Variants in TCIRG1 observed in about 807,000 individuals in gnomAD.
TCIRG1 encodes the protein T cell immune regulator 1, ATPase H+ transporting V0 subunit a3, also known as V-type proton ATPase 116 kDa subunit a 3.
A neutral mutation model predicts 95.5 loss-of-function variants in TCIRG1; 86 were observed. That is an observed-to-expected ratio of 0.90 (90% confidence interval 0.76 to 1.08). The LOEUF is 1.08. Among genes scored for constraint, TCIRG1 ranks in the 50% least tolerant of loss-of-function variants. The pLI is 0.00. For synonymous variants in TCIRG1, 499 were observed against 501.3 expected, an observed-to-expected ratio of 1.00 and a Z score of 0.06; for missense variants, 1,069 against 1,140.2, an observed-to-expected ratio of 0.94 and a Z score of 0.90.
At chr11:68,040,551 G>A (rs1167991211) in intron 1 of TCIRG1, among the ~76,000 whole-genome samples, 1 of 152,222 alleles carries the variant, frequency 6.6e-6, no homozygotes, top group Non-Finnish European at 1.5e-5. Context: ...TTCCCACAGA[G>A]GGGCCCTGGG....
rs574223009 is a variant in TCIRG1, at chr11:68,041,524, C to T, written c.117+136C>T. 16 of 760,494 alleles carry T rather than the reference C, an allele frequency of 2.1e-5. No individual in the cohort carries two copies. The Admixed American group carries it at 2.9e-4, about 14-fold the overall frequency. The allele number at this position is 760,494 out of a possible 1,614,324, so 47.1% of individuals were successfully genotyped here. Reference sequence around the variant, plus strand: ...ACCCCAGCGGCCCCTGCCATGGGCACTGCTCATGGGAAGCCCGCAGCTGAG... The same window carrying T: ...ACCCCAGCGGCCCCTGCCATGGGCATTGCTCATGGGAAGCCCGCAGCTGAG... On this transcript the variant is annotated intron_variant, in intron 2 of 19. Coordinates refer to ENST00000265686, the MANE Select transcript of TCIRG1 (RefSeq NM_006019.4).
In TCIRG1 at chr11:68,041,767, G is replaced by T; in HGVS notation, c.132G>T (p.Val44=). The T allele has an allele frequency of 6.2e-7, 1 of 1,609,680 alleles. No individual in the cohort carries two copies. ...GGCACCCACAGCTCAACGCCTCGGT[G>T]AGCGCCTTCCAGAGACGCTTTGTGG... ...LVEFRDLNAS[V]SAFQRRFVVD... is the part of the protein sequence containing the mutation. Residue 44 remains valine, a synonymous_variant, in exon 3 of 20, where the codon GTG becomes GTT. Transcript: ENST00000265686.
chr11:68,045,140 C>T (rs754068290), intron 10 of TCIRG1, 38 bp downstream of exon 10: 14 of 1,598,384 alleles, frequency 8.8e-6, no homozygotes, highest in Non-Finnish European at 1.2e-5. Flanking sequence ...TCCTGGGAGG[C>T]TCAGCTGCCC....
Position 68,047,878 on chromosome 11 carries a change from G to T in TCIRG1, c.1464-4G>T, listed in dbSNP as rs377181404. On this transcript the variant is annotated splice_polypyrimidine_tract_variant and splice_region_variant and intron_variant, in intron 12 of 19. Coordinates refer to ENST00000265686, the MANE Select transcript of TCIRG1 (RefSeq NM_006019.4). ...CCTGACCGCCCTCCCCTGCGTTGCCGCAGTGATGCATTCCTGGCCCAGCAC... is the reference window on the plus strand; with the variant it reads ...CCTGACCGCCCTCCCCTGCGTTGCCTCAGTGATGCATTCCTGGCCCAGCAC... 9.9e-6 allele frequency: 16 copies of T among 1,613,358 alleles called. No homozygotes were observed. In the African/African-American group the frequency reaches 2.0e-4, roughly 20 times the overall value.
In TCIRG1 at chr11:68,041,268, G is replaced by A. The variant is rs769465490; in HGVS notation, c.-4G>A. The A allele has an allele frequency of 1.9e-6, 3 of 1,610,366 alleles. No homozygotes were observed. The South Asian group carries it at 3.3e-5, about 18-fold the overall frequency. On this transcript the variant is annotated splice_region_variant and 5_prime_UTR_variant, in exon 2 of 20. Coordinates refer to ENST00000265686, the MANE Select transcript of TCIRG1 (RefSeq NM_006019.4). ...GGCCCCCATCCGTGTCCACCCACAG[G>A]ACCATGGGCTCCATGTTCCGGAGCG...
Position 68,050,002 on chromosome 11 carries a change from C to T in TCIRG1, c.2054C>T (p.Ser685Phe). Reference protein sequence around the residue: ...KAGLLDLPDASVNGWSSDEEK... With the variant: ...KAGLLDLPDAFVNGWSSDEEK... ...GGGTTGCTGGACCTGCCTGACGCAT[C>T]TGTGAATGGCTGGAGCTCCGATGAG... The change falls in exon 17 of 20, where the codon TCT (serine) becomes TTT (phenylalanine). Residue 685 changes from serine (S) to phenylalanine (F), a missense_variant. Physicochemically the swap from Ser to Phe is radical, Grantham distance 155. Transcript: ENST00000265686. The T allele has an allele frequency of 1.9e-6, 3 of 1,613,212 alleles. No homozygotes were observed. Among genetic ancestry groups the T allele is most frequent in the African/African-American group, 1.3e-5 (1 of 75,042 alleles).
intron 10 of TCIRG1, among the ~76,000 whole-genome samples, 177 bp from the exon 11 acceptor site, chr11:68,047,256 C>T (rs568516935): frequency 2.3e-5 from 2 of 86,640 alleles, no homozygotes; most frequent in Non-Finnish European, 5.3e-5. Flanking sequence ...GGTGATGCCC[C>T]CCCCCCCCCC....
At chr11:68,044,588 C>T (rs1372990222) in intron 9 of TCIRG1, among the ~76,000 whole-genome samples, 1 of 152,200 alleles carries the variant, frequency 6.6e-6, no homozygotes, top group Non-Finnish European at 1.5e-5. Flanking sequence ...AAGTCAGAAG[C>T]CTCATTCCAA....
intron 1 of TCIRG1, among the ~76,000 whole-genome samples, chr11:68,040,928 G>A (rs574539296): frequency 1.3e-5 from 2 of 152,230 alleles, no homozygotes; most frequent in Non-Finnish European, 2.9e-5. Flanking sequence ...CTAGGGTGAC[G>A]GCAGCCCGAG....
chr11:68,050,298 C>G, intron 18 of TCIRG1, 44 bp downstream of exon 18: 2 of 1,602,232 alleles, frequency 1.2e-6, no homozygotes, highest in Non-Finnish European at 1.7e-6. Flanking sequence ...CTCCTGGCTT[C>G]TCACATACCG....
chr11:68,041,869 C>A (rs1855187421), intron 3 of TCIRG1, 38 bp downstream of exon 3: 1 of 1,553,676 alleles, frequency 6.4e-7, no homozygotes, highest in Non-Finnish European at 8.8e-7. Context: ...GGCAGGCTTC[C>A]TGGAGGAGGC....
Position 68,042,761 on chromosome 11 carries a change from C to T in TCIRG1, c.315C>T (p.Ala105=). 3.2e-6 allele frequency: 5 copies of T among 1,547,696 alleles called. No individual in the cohort carries two copies. The highest frequency in any genetic ancestry group is 3.5e-6 in the Non-Finnish European group (4 of 1,146,454). Reference sequence around the variant, plus strand: ...TCCAGGAGGAGACGGAGCGCCTGGCCCAGGAGCTGCGGGATGTGCGGGGCA... The same window carrying T: ...TCCAGGAGGAGACGGAGCGCCTGGCTCAGGAGCTGCGGGATGTGCGGGGCA... ...LRIQEETERL[A]QELRDVRGNQ... is the part of the protein sequence containing the mutation. The change falls in exon 4 of 20, where the codon GCC becomes GCT. Residue 105 remains alanine, a synonymous_variant. Transcript: ENST00000265686.
Position 68,044,724 on chromosome 11 carries a change from G to A in TCIRG1, c.1021-234G>A, listed in dbSNP as rs1051154882. 2.3e-5 allele frequency: 14 copies of A among 617,978 alleles called. No individual in the cohort carries two copies. In the East Asian group the frequency reaches 3.9e-4, roughly 17 times the overall value. 38.3% of individuals were successfully genotyped at this position (617,978 alleles called of 1,614,324 possible). On this transcript the variant is annotated intron_variant, in intron 9 of 19. Transcript: ENST00000265686. ...GGTGAGGCTGGGCTCCTTCTCCTGG[G>A]CCGTCCCTAGGAGGCAGCATGCTTG...
rs755672978 is a variant in TCIRG1 at position 68,047,533 on chromosome 11, T to C, written c.1266T>C (p.Leu422=). ...LMFLFALAMV[L]AENRPAVKAA... ...TCCTGTTCGCCCTGGCCATGGTCCT[T>C]GCGGAGAACCGACCGGCTGTGAAGG... The change falls in exon 11 of 20, where the codon CTT becomes CTC. Residue 422 remains leucine (L), a synonymous_variant. Transcript: ENST00000265686. 2.5e-5 allele frequency: 41 copies of C among 1,613,772 alleles called. 1 individual carries two copies. Among genetic ancestry groups the C allele is most frequent in the Non-Finnish European group, 3.1e-5 (37 of 1,179,978 alleles).
In TCIRG1 at chr11:68,049,218, C is replaced by G. The variant is rs764109110; in HGVS notation, c.1811C>G (p.Pro604Arg). The G allele has an allele frequency of 1.9e-6, 3 of 1,613,764 alleles. No individual in the cohort carries two copies. The African/African-American group carries it at 4.0e-5, about 22-fold the overall frequency. ...TGGGCTGCCAGGGCCGCCTCGGCCCCCAGCATCCTCATCCACTTCATCAAC... is the reference window on the plus strand; with the variant it reads ...TGGGCTGCCAGGGCCGCCTCGGCCCGCAGCATCCTCATCCACTTCATCAAC... ...CVWAARAASA[P>R]SILIHFINMF... Residue 604 changes from proline to arginine, a missense_variant, in exon 15 of 20, where the codon CCC (proline) becomes CGC (arginine). Coordinates refer to ENST00000265686, the MANE Select transcript of TCIRG1 (RefSeq NM_006019.4).
chr11:68,047,266 C>CA (rs1308847800), intron 10 of TCIRG1, among the ~76,000 whole-genome samples, 167 bp from the exon 11 acceptor site: 3 of 93,714 alleles, frequency 3.2e-5, no homozygotes, highest in African/African-American at 1.2e-4. Context: ...CCCCCCCCCC[C>CA]CGTCTCGGCC....
At chr11:68,042,105 C>T (rs1029300871) in intron 3 of TCIRG1, among the ~76,000 whole-genome samples, 5 of 152,140 alleles carry the variant, frequency 3.3e-5, no homozygotes, top group Non-Finnish European at 7.4e-5. Flanking sequence ...CCTGTGGGCG[C>T]CAGGAAGCCA....
At chr11:68,045,222 G>T in intron 10 of TCIRG1, 120 bp downstream of exon 10, 4 of 1,238,320 alleles carry the variant, frequency 3.2e-6, no homozygotes, top group Non-Finnish European at 3.4e-6. Context: ...GGGATGAGGG[G>T]CACACATCCC....
chr11:68,047,252 G>C (rs1442771137), intron 10 of TCIRG1, among the ~76,000 whole-genome samples, 181 bp from the exon 11 acceptor site: 4 of 28,092 alleles, frequency 1.4e-4, no homozygotes, highest in Non-Finnish European at 2.6e-4. Context: ...CTCGGGTGAT[G>C]CCCCCCCCCC....
Sources: gnomAD v4.1 joint callset for allele counts (sites outside exome capture counted in the v4.1 genomes callset) on GRCh38, gnomAD v4.1.1 for gene constraint, MANE v1.5 for transcripts, NCBI Gene and HGNC (gene_info 2026-07-23, HGNC 2026-07-21) for gene names.